ANKRD44: variants seen among roughly 807,000 people sequenced by gnomAD.
ANKRD44 encodes the protein serine/threonine-protein phosphatase 6 regulatory ankyrin repeat subunit B.
In ANKRD44, 35 loss-of-function variants were observed where a neutral mutation model predicts 116.0. That is an observed-to-expected ratio of 0.30 (90% CI 0.23 to 0.40). The LOEUF (loss-of-function observed/expected upper bound fraction) is 0.40. ANKRD44 is among the 10% of genes least tolerant of loss of function. ANKRD44 has a pLI of 1.00. For missense variants in ANKRD44, 1,014 were observed against 1,242.6 expected, an observed-to-expected ratio of 0.82 and a Z score of 2.77; for synonymous variants, 435 against 461.8, an observed-to-expected ratio of 0.94 and a Z score of 0.74.
intron 1 of ANKRD44, among the ~76,000 whole-genome samples, chr2:197,223,844 T>C (rs975493344): frequency 6.6e-6 from 1 of 152,224 alleles, no homozygotes; most frequent in African/African-American, 2.4e-5. Flanking sequence ...CTATATCTAT[T>C]TGTTGTGTGC....
intron 16 of ANKRD44, among the ~76,000 whole-genome samples, chr2:197,070,088 T>C (rs1029209462): frequency 1.3e-5 from 2 of 152,216 alleles, no homozygotes; most frequent in Non-Finnish European, 2.9e-5. Context: ...TATACGTTTA[T>C]CTCATATCTT....
At chr2:197,151,428 A>AC (rs1218414972) in intron 2 of ANKRD44, among the ~76,000 whole-genome samples, 5 of 152,216 alleles carry the variant, frequency 3.3e-5, no homozygotes, top group African/African-American at 4.8e-5. Flanking sequence ...AAGGGGGAAC[A>AC]CCCCCACTAT....
In ANKRD44 at chr2:197,025,306, A is replaced by C. The variant is rs761051919; in HGVS notation, c.1651-39T>G. ...AAGCAAACAATAGTACGTGAGTCCA[A>C]ATTTTGCAAAATGTTGGTGTAAATG... is the stretch of plus-strand genomic sequence containing the variant. On this transcript the variant is annotated intron_variant, in intron 16 of 27. Transcript: ENST00000282272. 4.1e-5 allele frequency: 65 copies of C among 1,573,652 alleles called. No individual in the cohort carries two copies. The East Asian group carries it at 1.3e-3, about 31-fold the overall frequency.
chr2:197,310,587 G>A lies in ANKRD44; in HGVS notation c.18C>T (p.Leu6=). The change falls in exon 1 of 28, where the codon CTC becomes CTT. Residue 6 remains leucine, a synonymous_variant. Transcript: ENST00000282272. The stretch of plus-strand genomic sequence containing the variant: ...CGCCGCCGCCCGCTACCTGGTCGGT[G>A]AGTTTGAGCACTGCCATTCTTCCGC... MAVLK[L]TDQPPLVQAI... 2.4e-6 allele frequency: 3 copies of A among 1,273,986 alleles called. No individual in the cohort carries two copies. The highest frequency in any genetic ancestry group is 3.0e-6 in the Non-Finnish European group (3 of 984,588). The allele number at this position is 1,273,986 out of a possible 1,614,324, so 78.9% of individuals were successfully genotyped here.
chr2:197,287,049 C>G (rs1394765670), intron 1 of ANKRD44, among the ~76,000 whole-genome samples: 1 of 152,090 alleles, frequency 6.6e-6, no homozygotes, highest in Non-Finnish European at 1.5e-5. Context: ...TCAAAACCCA[C>G]AGAACGTACA....
chr2:196,982,108 T>TTTATATATATATA (rs150861089), downstream of ANKRD44, among the ~76,000 whole-genome samples: 1 of 96,550 alleles, frequency 1.0e-5, no homozygotes, highest in Non-Finnish European at 2.1e-5. Flanking sequence ...CTAAAAAAAA[T>TTTATATATATATA]TATATATATA....
rs541293754 is a variant in ANKRD44, at chr2:197,191,379, TG to T, written c.28-4274del. On this transcript the variant is annotated intron_variant, in intron 1 of 27. Coordinates refer to ENST00000282272, the MANE Select transcript of ANKRD44 (RefSeq NM_001195144.2). ...ACACTTGACCCCTCTAAGATAGAAATGGGGAACAGAAAGACCCCTTGATCTT... is the reference window on the plus strand; with the variant it reads ...ACACTTGACCCCTCTAAGATAGAAATGGGAACAGAAAGACCCCTTGATCTT... Among the ~76,000 whole-genome samples the T allele has an allele frequency of 2.2e-4, 33 of 152,226 alleles. No homozygotes were observed. The South Asian group carries it at 6.4e-3, about 30-fold the overall frequency.
intron 1 of ANKRD44, among the ~76,000 whole-genome samples, chr2:197,265,885 C>G (rs1342693086): frequency 6.6e-6 from 1 of 152,030 alleles, no homozygotes; most frequent in East Asian, 1.9e-4. Flanking sequence ...GAGTTCTAAT[C>G]CGAAAAACCT....
intron 1 of ANKRD44, among the ~76,000 whole-genome samples, chr2:197,276,591 G>T (rs1395976757): frequency 6.6e-6 from 1 of 151,964 alleles, no homozygotes; most frequent in Non-Finnish European, 1.5e-5. Context: ...CAATATAGCT[G>T]TCCCCATATT....
At chr2:197,079,778 G>A (rs947598528) in intron 15 of ANKRD44, among the ~76,000 whole-genome samples, 1 of 150,986 alleles carries the variant, frequency 6.6e-6, no homozygotes, top group African/African-American at 2.4e-5. Flanking sequence ...CCTTCCAATA[G>A]AAAATTTCTA....
At chr2:197,289,874 CTTT>C (rs1220826428) in intron 1 of ANKRD44, among the ~76,000 whole-genome samples, 3 of 144,248 alleles carry the variant, frequency 2.1e-5, no homozygotes, top group Non-Finnish European at 3.1e-5. Context: ...CAATTTTTCT[CTTT>C]TTTTTTTTTT....
At chr2:197,209,902 G>A (rs1308061483) in intron 1 of ANKRD44, among the ~76,000 whole-genome samples, 1 of 152,160 alleles carries the variant, frequency 6.6e-6, no homozygotes, top group East Asian at 1.9e-4. Flanking sequence ...ATATGACTGC[G>A]GCTAGAAGTT....
intron 16 of ANKRD44, among the ~76,000 whole-genome samples, chr2:197,061,171 T>C (rs530578570): frequency 3.3e-5 from 5 of 152,322 alleles, no homozygotes; most frequent in East Asian, 1.9e-4. Flanking sequence ...TGAAGGCTCA[T>C]GGAAGTGAAG....
intron 17 of ANKRD44, among the ~76,000 whole-genome samples, chr2:197,023,778 A>T (rs1274276947): frequency 2.0e-5 from 3 of 152,232 alleles, no homozygotes; most frequent in African/African-American, 7.2e-5. Context: ...CCCCAGGCAC[A>T]GCAGATGGTT....
intron 16 of ANKRD44, among the ~76,000 whole-genome samples, chr2:197,042,598 C>CT (rs2076931892): frequency 6.6e-6 from 1 of 151,922 alleles, no homozygotes; most frequent in Non-Finnish European, 1.5e-5. Context: ...TGCTTCCTAC[C>CT]CTCTCTCCCC....
intron 1 of ANKRD44, among the ~76,000 whole-genome samples, chr2:197,223,543 C>T (rs2081632490): frequency 6.6e-6 from 1 of 152,166 alleles, no homozygotes; most frequent in African/African-American, 2.4e-5. Flanking sequence ...GTTATTTCTC[C>T]ATGTCAGTAT....
At position 197,310,724 on chromosome 2, in the gene ANKRD44, C is replaced by A; in HGVS notation, c.-120G>T. On this transcript the variant is annotated 5_prime_UTR_variant, in exon 1 of 28. Coordinates refer to ENST00000282272, the MANE Select transcript of ANKRD44 (RefSeq NM_001195144.2). ...GAAAAAATCTGGCTCCCGAATTTGA[C>A]AGCCCTCCCCCTGCTCCTCCTCCGC... 9.2e-7 allele frequency: 1 copy of A among 1,086,264 alleles called. No individual in the cohort carries two copies. Among genetic ancestry groups the A allele is most frequent in the Non-Finnish European group, 1.2e-6 (1 of 836,204 alleles). The allele number at this position is 1,086,264 out of a possible 1,614,324, so 67.3% of individuals were successfully genotyped here. A position where few individuals can be genotyped will look rare whatever the true frequency, so the allele number is the denominator to read the frequency against.
chr2:197,275,428 C>CAAAAAAAAAAAAAAAAAAA (rs527811437), intron 1 of ANKRD44, among the ~76,000 whole-genome samples: 1 of 97,284 alleles, frequency 1.0e-5, no homozygotes, highest in Non-Finnish European at 2.1e-5. Context: ...CCAGTCTCTT[C>CAAAAAAAAAAAAAAAAAAA]AAAAAAAAAA....
intron 16 of ANKRD44, among the ~76,000 whole-genome samples, chr2:197,070,195 G>A (rs1574397586): frequency 6.6e-6 from 1 of 152,192 alleles, no homozygotes; most frequent in East Asian, 1.9e-4. Context: ...AATAGGAACA[G>A]TTTTGTTTAT....
Sources: gnomAD v4.1 joint callset for allele counts (sites outside exome capture counted in the v4.1 genomes callset) on GRCh38, gnomAD v4.1.1 for gene constraint, MANE v1.5 for transcripts, NCBI Gene and HGNC (gene_info 2026-07-23, HGNC 2026-07-21) for gene names.